MED13: variants seen among roughly 807,000 people sequenced by gnomAD.
MED13 encodes the protein mediator of RNA polymerase II transcription subunit 13.
In MED13, 23 loss-of-function variants were observed where a neutral mutation model predicts 225.2. The ratio of observed to expected loss-of-function variants is 0.10; its 90% CI spans 0.07 to 0.14. The LOEUF (loss-of-function observed/expected upper bound fraction) is 0.14. MED13 is among the 10% of genes least tolerant of loss of function. The pLI is 1.00. For missense variants in MED13, 2,197 were observed against 2,594.5 expected (o/e 0.85, Z 3.33); for synonymous variants, 942 against 889.2 (o/e 1.06, Z -1.06).
intron 2 of MED13, among the ~76,000 whole-genome samples, chr17:62,060,437 A>G (rs1272850728): frequency 6.6e-6 from 1 of 151,928 alleles, no homozygotes; most frequent in Non-Finnish European, 1.5e-5. Context: ...CCTGTCTAAC[A>G]GTGAAACCCC....
At chr17:62,046,462 C>T (rs1372481255) in intron 3 of MED13, among the ~76,000 whole-genome samples, 2 of 152,216 alleles carry the variant, frequency 1.3e-5, no homozygotes, top group Non-Finnish European at 2.9e-5. Context: ...CTAAATGGGT[C>T]AGCCCATGGA....
chr17:61,971,369 G>A (rs1487486264), intron 17 of MED13, among the ~76,000 whole-genome samples: 3 of 150,972 alleles, frequency 2.0e-5, no homozygotes, highest in Non-Finnish European at 4.4e-5. Context: ...CTCGGCTGGC[G>A]GCAACCTGCG....
At chr17:61,996,380 G>T (rs1319123723) in intron 9 of MED13, among the ~76,000 whole-genome samples, 1 of 152,314 alleles carries the variant, frequency 6.6e-6, no homozygotes, top group South Asian at 2.1e-4. Flanking sequence ...CAAGCTTGCA[G>T]TCAGATCATG....
At chr17:61,958,237 G>C (rs532014537) in intron 23 of MED13, among the ~76,000 whole-genome samples, 22 of 147,392 alleles carry the variant, frequency 1.5e-4, no homozygotes, top group Non-Finnish European at 2.7e-4. Flanking sequence ...GTATGGTCTC[G>C]GCTCATGGCA....
rs753713966 is a variant in MED13 at position 62,063,071 on chromosome 17, T to C, written c.297A>G (p.Leu99=). 1 of 1,608,766 alleles carries C rather than the reference T, an allele frequency of 6.2e-7. No homozygotes were observed. The highest frequency in any genetic ancestry group is 8.5e-7 in the Non-Finnish European group (1 of 1,175,276). ...PSFADLIHHD[L]SEEEDGVWEN... Reference sequence around the variant, plus strand: ...GAAATGGAAAGTTTCTTTCACCTGATAAGTCATGGTGAATAAGGTCAGCAA... The same window carrying C: ...GAAATGGAAAGTTTCTTTCACCTGACAAGTCATGGTGAATAAGGTCAGCAA... Residue 99 remains leucine (L), a synonymous_variant, in exon 2 of 30, where the codon TTA becomes TTG. Transcript: ENST00000397786.
intron 8 of MED13, among the ~76,000 whole-genome samples, chr17:62,014,643 T>C (rs937788219): frequency 6.6e-6 from 1 of 152,094 alleles, no homozygotes; most frequent in Non-Finnish European, 1.5e-5. Context: ...GTACTTGAAT[T>C]GTGGCTAGTC....
intron 8 of MED13, among the ~76,000 whole-genome samples, chr17:62,019,485 C>T (rs1748749082): frequency 6.6e-6 from 1 of 152,090 alleles, no homozygotes; most frequent in African/African-American, 2.4e-5. Flanking sequence ...CTATTTTATG[C>T]AAGGCAGTAG....
chr17:61,990,196 T>C (rs2080283544), intron 11 of MED13, among the ~76,000 whole-genome samples: 1 of 152,124 alleles, frequency 6.6e-6, no homozygotes, highest in South Asian at 2.1e-4. Context: ...TTGCTGAAAG[T>C]AGATTTTAAG....
At chr17:61,997,627 A>C (rs2080357442) in intron 9 of MED13, among the ~76,000 whole-genome samples, 1 of 152,178 alleles carries the variant, frequency 6.6e-6, no homozygotes, top group Non-Finnish European at 1.5e-5. Context: ...AAATTATGTA[A>C]AATCAAGGGC....
intron 28 of MED13, among the ~76,000 whole-genome samples, chr17:61,948,903 G>C (rs1251010267): frequency 6.6e-6 from 1 of 151,000 alleles, no homozygotes; most frequent in Non-Finnish European, 1.5e-5. Flanking sequence ...CGGCTAAAAC[G>C]GTGAAACCCC....
At chr17:62,056,734 G>T (rs1228223562) in intron 2 of MED13, among the ~76,000 whole-genome samples, 3 of 152,004 alleles carry the variant, frequency 2.0e-5, no homozygotes, top group Non-Finnish European at 4.4e-5. Flanking sequence ...CAGGCTGAGT[G>T]AGACAAAGTG....
intron 23 of MED13, among the ~76,000 whole-genome samples, chr17:61,959,763 C>G (rs953013643): frequency 1.4e-5 from 2 of 138,164 alleles, no homozygotes; most frequent in Non-Finnish European, 3.0e-5. Flanking sequence ...GGGTCTTACT[C>G]TGTCGCCCAC....
intron 2 of MED13, among the ~76,000 whole-genome samples, chr17:62,058,134 C>A (rs1378707523): frequency 6.6e-6 from 1 of 152,136 alleles, no homozygotes; most frequent in African/African-American, 2.4e-5. Flanking sequence ...ACCAGAGGGA[C>A]TGAGCTAAGA....
intron 3 of MED13, among the ~76,000 whole-genome samples, chr17:62,039,586 G>GTTTTTTTTT (rs1567995431): frequency 7.7e-6 from 1 of 129,928 alleles, no homozygotes; most frequent in African/African-American, 2.8e-5. Flanking sequence ...ACCCAGCCAA[G>GTTTTTTTTT]ATTTTTTTTT....
chr17:61,971,270 AT>A (rs1247714836), intron 17 of MED13, among the ~76,000 whole-genome samples: 1 of 149,568 alleles, frequency 6.7e-6, no homozygotes, highest in Non-Finnish European at 1.5e-5. Flanking sequence ...ATAAATAAAT[AT>A]CTACTTTTTT....
In MED13 at chr17:61,955,765, A is replaced by G. The variant is rs764764429; in HGVS notation, c.5697T>C (p.Cys1899=). Residue 1899 remains cysteine, a synonymous_variant, in exon 25 of 30, where the codon TGT becomes TGC. Coordinates refer to ENST00000397786, the MANE Select transcript of MED13 (RefSeq NM_005121.3). ...SKRLKDMCRM[C]GISAADSPSI... is the part of the protein sequence containing the mutation. ...TAGGGGAGTCTGCAGCAGATATACC[A>G]CACATTCTACACATGTCTTTGAGCC... is the stretch of plus-strand genomic sequence containing the variant. 5 of 1,611,666 alleles carry G rather than the reference A, an allele frequency of 3.1e-6. No individual in the cohort carries two copies. In the African/African-American group the frequency reaches 5.4e-5, roughly 17 times the overall value.
chr17:62,053,763 C>T (rs1267676288), intron 2 of MED13, among the ~76,000 whole-genome samples: 1 of 152,104 alleles, frequency 6.6e-6, no homozygotes, highest in Non-Finnish European at 1.5e-5. Flanking sequence ...ATACACTATA[C>T]CCACAGAAAA....
intron 5 of MED13, 148 bp from the exon 6 acceptor site, chr17:62,031,786 TTTTTC>T (rs913879962): frequency 2.8e-5 from 13 of 460,958 alleles, no homozygotes; most frequent in Admixed American, 1.8e-4. Flanking sequence ...TTGGCATAAG[TTTTTC>T]TTTTCTTTTT....
At chr17:62,053,785 A>G (rs2080975396) in intron 2 of MED13, among the ~76,000 whole-genome samples, 1 of 152,226 alleles carries the variant, frequency 6.6e-6, no homozygotes, top group African/African-American at 2.4e-5. Flanking sequence ...CAGACACAAT[A>G]TGAGCTTCTG....
Sources: gnomAD v4.1 joint callset for allele counts (sites outside exome capture counted in the v4.1 genomes callset) on GRCh38, gnomAD v4.1.1 for gene constraint, MANE v1.5 for transcripts, NCBI Gene and HGNC (gene_info 2026-07-23, HGNC 2026-07-21) for gene names.